Variants in QTMAN observed in about 807,000 individuals in gnomAD.
The protein encoded by QTMAN is tRNA-queuosine alpha-mannosyltransferase.
chr2:144,255,055 T>G, the QTMAN span, among the ~76,000 whole-genome samples: 1 of 152,188 alleles, frequency 6.6e-6, no homozygotes, highest in Non-Finnish European at 1.5e-5. Context: ...CAGGACTTGC[T>G]TTGTCTCAGA....
the QTMAN span, among the ~76,000 whole-genome samples, chr2:144,009,519 T>C: frequency 2.0e-5 from 3 of 152,104 alleles, no homozygotes; most frequent in South Asian, 6.2e-4. Context: ...CTATGTTTGT[T>C]TCATAAAGAT....
At chr2:144,204,257 A>G in the QTMAN span, among the ~76,000 whole-genome samples, 1 of 152,192 alleles carries the variant, frequency 6.6e-6, no homozygotes, top group Admixed American at 6.6e-5. Context: ...TCTGACAAAG[A>G]GCTAATAACC....
chr2:144,112,076 C>A, the QTMAN span, among the ~76,000 whole-genome samples: 1 of 152,312 alleles, frequency 6.6e-6, no homozygotes, highest in East Asian at 1.9e-4. Context: ...GAAAGTATTA[C>A]ATTGGTATAA....
the QTMAN span, among the ~76,000 whole-genome samples, chr2:144,077,554 A>G: frequency 6.6e-6 from 1 of 152,210 alleles, no homozygotes; most frequent in African/African-American, 2.4e-5. Context: ...ATATTATCCT[A>G]TGTGCTATCC....
At chr2:143,968,756 C>A in the QTMAN span, among the ~76,000 whole-genome samples, 1 of 152,210 alleles carries the variant, frequency 6.6e-6, no homozygotes, top group Middle Eastern at 3.4e-3. Flanking sequence ...TCTTTCCTTC[C>A]TTCTGTATAG....
the QTMAN span, among the ~76,000 whole-genome samples, chr2:144,181,228 A>G: frequency 6.6e-6 from 1 of 152,226 alleles, no homozygotes; most frequent in African/African-American, 2.4e-5. Flanking sequence ...AGTCAGAAAA[A>G]TATGTGCCAG....
At chr2:144,022,560 CT>C in the QTMAN span, among the ~76,000 whole-genome samples, 291 of 104,240 alleles carry the variant, frequency 2.8e-3, no homozygotes, top group African/African-American at 7.8e-3. Flanking sequence ...CTCTCTCTCT[CT>C]TTTTTTTTTT....
At chr2:144,162,085 C>T in the QTMAN span, among the ~76,000 whole-genome samples, 1 of 152,120 alleles carries the variant, frequency 6.6e-6, no homozygotes, top group Non-Finnish European at 1.5e-5. Context: ...TCTGAATAGA[C>T]CTAACAAAAA....
the QTMAN span, among the ~76,000 whole-genome samples, chr2:144,246,550 G>A: frequency 4.2e-5 from 6 of 144,452 alleles, no homozygotes; most frequent in East Asian, 4.0e-4. Flanking sequence ...TCCGCAGTCC[G>A]GCCTGGGCGA....
chr2:144,257,264 T>C, the QTMAN span, among the ~76,000 whole-genome samples: 1 of 152,046 alleles, frequency 6.6e-6, no homozygotes. Context: ...TCAAGCAGAA[T>C]AAAGATTTCC....
At chr2:144,074,678 G>C in the QTMAN span, among the ~76,000 whole-genome samples, 1 of 152,110 alleles carries the variant, frequency 6.6e-6, no homozygotes, top group Non-Finnish European at 1.5e-5. Flanking sequence ...GGCCGTAAAA[G>C]GTTAAATGAG....
chr2:144,150,804 T>C, the QTMAN span, among the ~76,000 whole-genome samples: 2,127 of 152,188 alleles, frequency 0.014, 50 homozygotes, highest in African/African-American at 0.049. Context: ...GCACAAAAAA[T>C]ACAAATAAAG....
chr2:143,945,333 T>C, the QTMAN span: 1 of 152,254 alleles, frequency 6.6e-6, no homozygotes, highest in African/African-American at 2.4e-5. Context: ...GTTCACTGGC[T>C]TCCCTGTAAA....
At chr2:144,133,745 AG>A in the QTMAN span, among the ~76,000 whole-genome samples, 1 of 150,370 alleles carries the variant, frequency 6.7e-6, no homozygotes, top group Non-Finnish European at 1.5e-5. Context: ...ATCTATCAAA[AG>A]TTTTTTTACA....
chr2:144,259,145 G>T, the QTMAN span, among the ~76,000 whole-genome samples: 1 of 152,050 alleles, frequency 6.6e-6, no homozygotes, highest in South Asian at 2.1e-4. Context: ...ATAGCAACTA[G>T]ACCTCTTGCT....
the QTMAN span, among the ~76,000 whole-genome samples, chr2:144,111,685 T>C: frequency 1.3e-5 from 2 of 152,178 alleles, no homozygotes; most frequent in Non-Finnish European, 2.9e-5. Context: ...CCAGCATTTG[T>C]TATCTTTAAA....
chr2:144,312,590 TG>T, the QTMAN span, among the ~76,000 whole-genome samples: 9 of 152,318 alleles, frequency 5.9e-5, no homozygotes, highest in African/African-American at 2.2e-4. Flanking sequence ...AACAAGTCTA[TG>T]TTCAAGTGTG....
At chr2:144,003,042 A>T in the QTMAN span, among the ~76,000 whole-genome samples, 1 of 151,880 alleles carries the variant, frequency 6.6e-6, no homozygotes, top group Non-Finnish European at 1.5e-5. Flanking sequence ...AATATAGTTA[A>T]TTTTCATAAA....
At chr2:144,211,123 G>T in the QTMAN span, 1 of 152,046 alleles carries the variant, frequency 6.6e-6, no homozygotes, top group African/African-American at 2.4e-5. Context: ...TTTCTTATGG[G>T]TCTGGTTCAC....
Sources: allele counts gnomAD v4.1 joint callset (sites outside exome capture counted in the v4.1 genomes callset), GRCh38; gene constraint gnomAD v4.1.1; transcripts MANE v1.5; gene names NCBI Gene and HGNC (gene_info 2026-07-23, HGNC 2026-07-21).